CSTPP1: variants seen among roughly 807,000 people sequenced by gnomAD.
CSTPP1 encodes UPF0705 protein C11orf49.
the CSTPP1 span, among the ~76,000 whole-genome samples, chr11:47,070,964 CCT>C: frequency 1.4e-4 from 21 of 152,234 alleles, no homozygotes; most frequent in African/African-American, 4.8e-4. Flanking sequence ...CCCTTTCACA[CCT>C]CTGTTTTTGC....
chr11:47,136,693 C>G, the CSTPP1 span, among the ~76,000 whole-genome samples: 2 of 152,250 alleles, frequency 1.3e-5, no homozygotes, highest in Non-Finnish European at 2.9e-5. Flanking sequence ...TAGCCATGCC[C>G]TCTGGATTCC....
chr11:47,040,820 C>T, the CSTPP1 span, among the ~76,000 whole-genome samples: 1 of 127,056 alleles, frequency 7.9e-6, no homozygotes, highest in South Asian at 2.5e-4. Flanking sequence ...TCTGAACACA[C>T]ATTCATCTTA....
the CSTPP1 span, among the ~76,000 whole-genome samples, chr11:47,093,452 C>T: frequency 1.3e-5 from 2 of 152,188 alleles, no homozygotes; most frequent in Non-Finnish European, 2.9e-5. Context: ...GTGTGCCAGG[C>T]ACTGTTTTGG....
At chr11:47,124,246 C>T in the CSTPP1 span, among the ~76,000 whole-genome samples, 1 of 148,646 alleles carries the variant, frequency 6.7e-6, no homozygotes, top group Admixed American at 6.8e-5. Context: ...GCCTCAGCCT[C>T]CTGAGTAGCT....
the CSTPP1 span, among the ~76,000 whole-genome samples, chr11:46,975,520 CTT>C: frequency 6.6e-6 from 1 of 152,104 alleles, no homozygotes; most frequent in Admixed American, 6.6e-5. Flanking sequence ...TTTGAACCCT[CTT>C]ATGTATATGT....
the CSTPP1 span, among the ~76,000 whole-genome samples, chr11:47,129,697 T>C: frequency 1.2e-4 from 18 of 152,294 alleles, no homozygotes; most frequent in African/African-American, 4.3e-4. Flanking sequence ...ATGGTTAGCC[T>C]AAAAACCTGA....
the CSTPP1 span, among the ~76,000 whole-genome samples, chr11:47,077,229 T>C: frequency 2.6e-5 from 4 of 151,080 alleles, no homozygotes; most frequent in East Asian, 7.8e-4. Flanking sequence ...GACAGAGTCT[T>C]GCTCTTGTCG....
At chr11:47,057,423 T>C in the CSTPP1 span, among the ~76,000 whole-genome samples, 2 of 152,190 alleles carry the variant, frequency 1.3e-5, no homozygotes, top group African/African-American at 4.8e-5. Context: ...TTTCATTTGA[T>C]AAAATAATGA....
chr11:46,987,319 A>G, the CSTPP1 span: 2 of 1,609,300 alleles, frequency 1.2e-6, no homozygotes, highest in Non-Finnish European at 1.7e-6. Flanking sequence ...TAGTAAGTAC[A>G]TGAATGTTGT....
chr11:47,047,350 G>T, the CSTPP1 span, among the ~76,000 whole-genome samples: 16 of 152,004 alleles, frequency 1.1e-4, no homozygotes, highest in Admixed American at 1.0e-3. Flanking sequence ...TAGCTATGAA[G>T]CCACAGTAAT....
At chr11:47,026,312 G>A in the CSTPP1 span, among the ~76,000 whole-genome samples, 1 of 152,190 alleles carries the variant, frequency 6.6e-6, no homozygotes, top group South Asian at 2.1e-4. Context: ...AATTATTCTG[G>A]ATTTCAAGTG....
At chr11:47,040,259 C>T in the CSTPP1 span, among the ~76,000 whole-genome samples, 2 of 128,662 alleles carry the variant, frequency 1.6e-5, no homozygotes, top group African/African-American at 4.9e-5. Flanking sequence ...CAAGAACATT[C>T]TACAAAGTAA....
chr11:46,977,363 A>G, the CSTPP1 span, among the ~76,000 whole-genome samples: 1 of 152,188 alleles, frequency 6.6e-6, no homozygotes, highest in African/African-American at 2.4e-5. Flanking sequence ...CTCTCTTGTG[A>G]TGTCTGTGAA....
At chr11:46,990,713 T>C in the CSTPP1 span, among the ~76,000 whole-genome samples, 1 of 152,198 alleles carries the variant, frequency 6.6e-6, no homozygotes, top group African/African-American at 2.4e-5. Context: ...AAGGCTGATG[T>C]TGAGAAGGAT....
the CSTPP1 span, among the ~76,000 whole-genome samples, chr11:46,960,913 T>A: frequency 1.3e-5 from 2 of 152,368 alleles, no homozygotes; most frequent in East Asian, 3.9e-4. Context: ...ACTTCATTCC[T>A]GTTGTGGCTA....
At chr11:47,092,645 T>A in the CSTPP1 span, among the ~76,000 whole-genome samples, 3 of 152,232 alleles carry the variant, frequency 2.0e-5, no homozygotes, top group Non-Finnish European at 4.4e-5. Context: ...ATAACTCCAA[T>A]GTCATTTGAG....
the CSTPP1 span, among the ~76,000 whole-genome samples, chr11:47,014,981 A>G: frequency 1.9e-4 from 29 of 152,334 alleles, no homozygotes; most frequent in South Asian, 3.1e-3. Flanking sequence ...ACTGATCACA[A>G]CAAAAGAGAG....
the CSTPP1 span, among the ~76,000 whole-genome samples, chr11:47,083,814 G>A: frequency 5.9e-5 from 9 of 152,146 alleles, no homozygotes; most frequent in East Asian, 5.8e-4. Context: ...GTAGTATTCC[G>A]TTGTATGAAT....
At chr11:47,052,539 T>TTTCCTTCC in the CSTPP1 span, 335 of 1,608,084 alleles carry the variant, frequency 2.1e-4, no homozygotes, top group African/African-American at 3.9e-3. Flanking sequence ...CCAAATTCTT[T>TTTCCTTCC]TTCCTTCCTT....
Sources: gnomAD v4.1 joint callset for allele counts (sites outside exome capture counted in the v4.1 genomes callset) on GRCh38, gnomAD v4.1.1 for gene constraint, MANE v1.5 for transcripts, NCBI Gene and HGNC (gene_info 2026-07-23, HGNC 2026-07-21) for gene names.